ARHGEF3: variants seen among roughly 807,000 people sequenced by gnomAD.
The protein encoded by ARHGEF3 is 59.8 kDA protein.
In ARHGEF3, 28 loss-of-function variants were observed where a neutral mutation model predicts 63.2. The ratio of observed to expected loss-of-function variants is 0.44; its 90% CI spans 0.33 to 0.61. ARHGEF3 has a LOEUF of 0.61. Ranked by LOEUF, ARHGEF3 falls within the 20% of genes least tolerant of loss-of-function variation. The probability of loss-of-function intolerance (pLI) is 0.03; values close to 1 mark genes in which losing one functional copy is unlikely to be tolerated. For synonymous variants in ARHGEF3, 266 were observed against 254.2 expected, an observed-to-expected ratio of 1.05 and a Z score of -0.44; for missense variants, 533 against 659.3, an observed-to-expected ratio of 0.81 and a Z score of 2.10.
At chr3:56,842,032 C>A (rs1181147124) in intron 4 of ARHGEF3, among the ~76,000 whole-genome samples, 2 of 152,034 alleles carry the variant, frequency 1.3e-5, no homozygotes, top group East Asian at 3.9e-4. Context: ...CTGAAAAATG[C>A]CATATGAAGT....
chr3:56,955,705 G>A (rs1700015094), intron 3 of ARHGEF3, among the ~76,000 whole-genome samples: 1 of 152,194 alleles, frequency 6.6e-6, no homozygotes, highest in Admixed American at 6.5e-5. Flanking sequence ...ACAGACCTGG[G>A]AGTCAGATTT....
At chr3:56,835,250 A>C (rs1379652094) in intron 4 of ARHGEF3, among the ~76,000 whole-genome samples, 2 of 151,196 alleles carry the variant, frequency 1.3e-5, no homozygotes, top group Non-Finnish European at 3.0e-5. Flanking sequence ...ATCTCGGCTC[A>C]CTGCAACCTC....
chr3:56,957,932 T>C (rs1412484665), intron 3 of ARHGEF3, among the ~76,000 whole-genome samples: 1 of 152,174 alleles, frequency 6.6e-6, no homozygotes, highest in Non-Finnish European at 1.5e-5. Context: ...ATTATTATTA[T>C]TATCATCACT....
chr3:56,967,356 AATATT>A (rs1208120340), intron 2 of ARHGEF3, among the ~76,000 whole-genome samples: 2 of 91,646 alleles, frequency 2.2e-5, no homozygotes, highest in African/African-American at 4.1e-5. Context: ...TATATTATAT[AATATT>A]ATATTATATA....
intron 2 of ARHGEF3, among the ~76,000 whole-genome samples, chr3:56,984,317 G>A (rs960078749): frequency 5.9e-5 from 9 of 152,140 alleles, no homozygotes; most frequent in African/African-American, 1.4e-4. Flanking sequence ...CCTGCCTGTC[G>A]CATTGATAAT....
intron 3 of ARHGEF3, among the ~76,000 whole-genome samples, chr3:56,904,678 A>G (rs2041630039): frequency 1.3e-5 from 2 of 152,142 alleles, no homozygotes; most frequent in African/African-American, 4.8e-5. Flanking sequence ...ATGATTTGTT[A>G]TTTGGTCGAC....
chr3:56,732,329 G>A lies in ARHGEF3; in HGVS notation c.1137C>T (p.Ile379=). 1 of 1,614,232 alleles carries A rather than the reference G, an allele frequency of 6.2e-7. No individual in the cohort carries two copies. The highest frequency in any genetic ancestry group is 8.5e-7 in the Non-Finnish European group (1 of 1,180,044). The change falls in exon 9 of 10, where the codon ATC becomes ATT. Residue 379 remains isoleucine, a synonymous_variant. Transcript: ENST00000296315. ...CTTCCAGCAGGAGGTCTTTCACGGG[G>A]ATTGGCTGACGGTACAGCTGGTAGC... ...QLCYQLYRQP[I]PVKDLLLEDL...
chr3:56,906,598 G>A (rs978511980), intron 3 of ARHGEF3, among the ~76,000 whole-genome samples: 2 of 152,204 alleles, frequency 1.3e-5, no homozygotes, highest in African/African-American at 4.8e-5. Flanking sequence ...CACTTCGGGA[G>A]GCCGAGGCAA....
At chr3:56,918,053 T>G (rs912727959) in intron 3 of ARHGEF3, among the ~76,000 whole-genome samples, 3 of 152,174 alleles carry the variant, frequency 2.0e-5, no homozygotes, top group African/African-American at 4.8e-5. Flanking sequence ...GCTGGTTAAG[T>G]GGTGGCTGGT....
chr3:56,939,566 C>A lies in ARHGEF3; in HGVS notation c.129+19257G>T, dbSNP rs1280719119. On this transcript the variant is annotated intron_variant, in intron 3 of 12. Transcript: ENST00000338458. ...CAACAGTCTAGAAATGGCTTAAGAA[C>A]ACAATTTTCTAGGACCTGCTATTAT... Among the ~76,000 whole-genome samples, 6 of 152,154 alleles carry A rather than the reference C, an allele frequency of 3.9e-5. No individual in the cohort carries two copies. The East Asian group carries it at 1.2e-3, about 29-fold the overall frequency.
At chr3:56,736,083 CACACAA>C (rs1467550432) in intron 8 of ARHGEF3, among the ~76,000 whole-genome samples, 1 of 141,554 alleles carries the variant, frequency 7.1e-6, no homozygotes, top group African/African-American at 2.7e-5. Flanking sequence ...CACACACACA[CACACAA>C]ATTTCTACTG....
intron 2 of ARHGEF3, among the ~76,000 whole-genome samples, chr3:56,971,553 A>G (rs1218571674): frequency 6.6e-6 from 1 of 151,188 alleles, no homozygotes; most frequent in Non-Finnish European, 1.5e-5. Flanking sequence ...AGGGCTTTTA[A>G]GAGCACTTTG....
At chr3:57,041,347 G>A (rs1704179356) in intron 1 of ARHGEF3, among the ~76,000 whole-genome samples, 1 of 152,098 alleles carries the variant, frequency 6.6e-6, no homozygotes, top group African/African-American at 2.4e-5. Flanking sequence ...GGAAACTGAG[G>A]CACAGAATGG....
At chr3:56,748,275 CCGCCT>C (rs1455212570) in intron 6 of ARHGEF3, among the ~76,000 whole-genome samples, 1 of 152,148 alleles carries the variant, frequency 6.6e-6, no homozygotes, top group African/African-American at 2.4e-5. Context: ...AGAGATCCAC[CCGCCT>C]CAGGCTCCCA....
rs193224837 is a variant in ARHGEF3, at chr3:56,740,833, G to A, written c.871-3478C>T. On this transcript the variant is annotated intron_variant, in intron 7 of 9. Coordinates refer to ENST00000296315, the MANE Select transcript of ARHGEF3 (RefSeq NM_019555.3). ...ATCAGCGCTTGAGTCAATTTTCTGA[G>A]TTGCCTGCAAATATCCAGGAAACCA... is the stretch of plus-strand genomic sequence containing the variant. Among the ~76,000 whole-genome samples, 5 of 152,304 alleles carry A rather than the reference G, an allele frequency of 3.3e-5. No homozygotes were observed. The East Asian group carries it at 9.6e-4, about 29-fold the overall frequency.
At chr3:56,972,273 T>TGGATATGGATA (rs1700947102) in intron 2 of ARHGEF3, among the ~76,000 whole-genome samples, 1 of 152,076 alleles carries the variant, frequency 6.6e-6, no homozygotes, top group Non-Finnish European at 1.5e-5. Flanking sequence ...AGCTTCCAAC[T>TGGATATGGATA]TGAAAATGGA....
chr3:56,992,496 A>C (rs1253245445), intron 2 of ARHGEF3, among the ~76,000 whole-genome samples: 2 of 149,524 alleles, frequency 1.3e-5, no homozygotes, highest in African/African-American at 4.9e-5. Context: ...TGTCAACTTG[A>C]GTCCCTTCTG....
chr3:57,075,902 C>G (rs1387542265), intron 1 of ARHGEF3, among the ~76,000 whole-genome samples: 1 of 152,152 alleles, frequency 6.6e-6, no homozygotes, highest in African/African-American at 2.4e-5. Flanking sequence ...AGCTTGTCAC[C>G]AAACCTCTCC....
At chr3:56,770,150 T>G (rs1055708407) in intron 2 of ARHGEF3, among the ~76,000 whole-genome samples, 1 of 152,142 alleles carries the variant, frequency 6.6e-6, no homozygotes, top group Non-Finnish European at 1.5e-5. Context: ...CAGTGGCTCA[T>G]GTCTGTAATC....
Sources: gnomAD v4.1 joint callset for allele counts (sites outside exome capture counted in the v4.1 genomes callset) on GRCh38, gnomAD v4.1.1 for gene constraint, MANE v1.5 for transcripts, NCBI Gene and HGNC (gene_info 2026-07-23, HGNC 2026-07-21) for gene names.